Variants in EPB41L2 observed in about 807,000 individuals in gnomAD.
EPB41L2 encodes the protein erythrocyte membrane protein band 4.1 like 2, also known as band 4.1-like protein 2.
Under a neutral mutation model 113.0 loss-of-function variants are expected in EPB41L2, and 43 were observed. The observed-to-expected ratio is 0.38, with a 90% CI of 0.30 to 0.49. EPB41L2 has a LOEUF of 0.49. EPB41L2 is among the 20% of genes least tolerant of loss of function. EPB41L2 has a pLI of 0.95. For missense variants in EPB41L2, 1,147 were observed against 1,223.4 expected, an observed-to-expected ratio of 0.94 and a Z score of 0.93; for synonymous variants, 442 against 436.7, an observed-to-expected ratio of 1.01 and a Z score of -0.15.
At chr6:130,864,940 T>C (rs963972840) in intron 17 of EPB41L2, among the ~76,000 whole-genome samples, 1 of 152,208 alleles carries the variant, frequency 6.6e-6, no homozygotes, top group Non-Finnish European at 1.5e-5. Flanking sequence ...TCAGAATCAC[T>C]GGAAGCTTCT....
chr6:130,860,029 G>T (rs1781534650), intron 18 of EPB41L2, among the ~76,000 whole-genome samples: 1 of 152,178 alleles, frequency 6.6e-6, no homozygotes, highest in African/African-American at 2.4e-5. Context: ...TCAACGTGTT[G>T]ACTGGAATGG....
chr6:130,904,446 A>G lies in EPB41L2; in HGVS notation c.929+19T>C, dbSNP rs1431428944. The G allele has an allele frequency of 3.9e-6, 6 of 1,542,344 alleles. No homozygotes were observed. Among genetic ancestry groups the G allele is most frequent in the Non-Finnish European group, 5.3e-6 (6 of 1,123,098 alleles). ...GAGCTGTAAGGAAAGGTTCATTTAA[A>G]AATGCAAATATAAAGTACCTGGTGA... On this transcript the variant is annotated intron_variant, in intron 6 of 19. Coordinates refer to ENST00000337057, the MANE Select transcript of EPB41L2 (RefSeq NM_001431.4).
chr6:130,953,736 G>C (rs532127704), intron 3 of EPB41L2, among the ~76,000 whole-genome samples: 66 of 151,924 alleles, frequency 4.3e-4, no homozygotes, highest in African/African-American at 1.4e-3. Flanking sequence ...ACTGGGATTA[G>C]TGCCCCTGTA....
chr6:130,931,482 T>C (rs1260404875), intron 3 of EPB41L2, among the ~76,000 whole-genome samples: 1 of 152,136 alleles, frequency 6.6e-6, no homozygotes, highest in South Asian at 2.1e-4. Context: ...AAATAAGTAG[T>C]ACATTTCTTC....
At chr6:130,908,773 A>T in intron 5 of EPB41L2, 48 bp downstream of exon 5, 1 of 1,410,676 alleles carries the variant, frequency 7.1e-7, no homozygotes, top group Non-Finnish European at 9.8e-7. Flanking sequence ...TATCACAAAT[A>T]GATATCAAGA....
intron 1 of EPB41L2, among the ~76,000 whole-genome samples, chr6:131,003,113 C>A (rs1369606711): frequency 6.6e-6 from 1 of 151,288 alleles, no homozygotes; most frequent in Admixed American, 6.6e-5. Context: ...TTTTAAGTGT[C>A]ACTTAGTTAT....
At chr6:130,973,008 A>C (rs1429035314) in intron 1 of EPB41L2, among the ~76,000 whole-genome samples, 1 of 147,750 alleles carries the variant, frequency 6.8e-6, no homozygotes, top group Non-Finnish European at 1.5e-5. Context: ...GCTACTCGGG[A>C]GTCTGAGGCA....
intron 8 of EPB41L2, among the ~76,000 whole-genome samples, chr6:130,897,259 TAAAG>T (rs1159115608): frequency 6.6e-6 from 1 of 151,912 alleles, no homozygotes; most frequent in Non-Finnish European, 1.5e-5. Flanking sequence ...CAATGAAAAA[TAAAG>T]ACACAAAACT....
intron 4 of EPB41L2, among the ~76,000 whole-genome samples, chr6:130,909,310 T>C (rs1178833925): frequency 6.6e-6 from 1 of 152,100 alleles, no homozygotes; most frequent in Non-Finnish European, 1.5e-5. Context: ...CGAACACAAT[T>C]ATCTCAACTC....
At chr6:130,979,377 C>A (rs1161211092) in intron 1 of EPB41L2, among the ~76,000 whole-genome samples, 1 of 151,676 alleles carries the variant, frequency 6.6e-6, no homozygotes, top group African/African-American at 2.4e-5. Context: ...CGCCTGTAAT[C>A]CCAGCTACTT....
chr6:130,908,802 T>C lies in EPB41L2; in HGVS notation c.853+19A>G. The C allele has an allele frequency of 6.4e-7, 1 of 1,571,368 alleles. No individual in the cohort carries two copies. Among genetic ancestry groups the C allele is most frequent in the Non-Finnish European group, 8.7e-7 (1 of 1,148,898 alleles). On this transcript the variant is annotated intron_variant, in intron 5 of 19. Coordinates refer to ENST00000337057, the MANE Select transcript of EPB41L2 (RefSeq NM_001431.4). ...ATCAAGACACCTTAACTTCAAAGAA[T>C]GATTATTTATATACTTACTTCTCAG...
chr6:130,875,609 C>T (rs978101286), intron 14 of EPB41L2, among the ~76,000 whole-genome samples: 36 of 152,140 alleles, frequency 2.4e-4, no homozygotes, highest in Non-Finnish European at 7.3e-5. Flanking sequence ...AATGACAAAA[C>T]GGTCTTCCTA....
At chr6:131,058,399 T>C (rs1798011209) in intron 1 of EPB41L2, among the ~76,000 whole-genome samples, 1 of 152,158 alleles carries the variant, frequency 6.6e-6, no homozygotes, top group Non-Finnish European at 1.5e-5. Flanking sequence ...AACATGCCTC[T>C]AAGAAACTTA....
At chr6:130,938,197 A>G (rs1358450427) in intron 3 of EPB41L2, among the ~76,000 whole-genome samples, 1 of 152,208 alleles carries the variant, frequency 6.6e-6, no homozygotes, top group Non-Finnish European at 1.5e-5. Flanking sequence ...TGAATTTCTG[A>G]TTCTTGAATT....
chr6:131,015,102 G>C (rs4897482), intron 1 of EPB41L2, among the ~76,000 whole-genome samples: 117,207 of 152,060 alleles, frequency 0.77, 45,392 homozygotes, highest in East Asian at 0.87. Context: ...CTTGCCTTAA[G>C]AAAATGTTGG....
chr6:130,991,983 C>T (rs984096892), intron 1 of EPB41L2, among the ~76,000 whole-genome samples: 7 of 151,528 alleles, frequency 4.6e-5, no homozygotes, highest in African/African-American at 1.7e-4. Context: ...GAGAGTGATA[C>T]TTCCTGGAAG....
intron 13 of EPB41L2, 72 bp from the exon 14 acceptor site, chr6:130,878,322 CA>C: frequency 6.9e-7 from 1 of 1,453,082 alleles, no homozygotes. Context: ...AAAATAAAAC[CA>C]AAAAATAAGA....
chr6:131,053,110 G>A (rs1345696620), intron 1 of EPB41L2, among the ~76,000 whole-genome samples: 3 of 151,928 alleles, frequency 2.0e-5, no homozygotes, highest in Admixed American at 2.0e-4. Context: ...TGGCTAGGCT[G>A]GTCTCAAACT....
At chr6:130,868,822 A>G (rs1784731505) in intron 15 of EPB41L2, 1 of 152,270 alleles carries the variant, frequency 6.6e-6, no homozygotes, top group South Asian at 2.1e-4. Flanking sequence ...TTCATGTCCA[A>G]TGTATAGATA....
Sources: allele counts gnomAD v4.1 joint callset (sites outside exome capture counted in the v4.1 genomes callset), GRCh38; gene constraint gnomAD v4.1.1; transcripts MANE v1.5; gene names NCBI Gene and HGNC (gene_info 2026-07-23, HGNC 2026-07-21).